DPYSL2: variants seen among roughly 807,000 people sequenced by gnomAD.
The protein encoded by DPYSL2 is dihydropyrimidinase-related protein 2.
Under a neutral mutation model 69.9 loss-of-function variants are expected in DPYSL2, and 13 were observed. The ratio of observed to expected loss-of-function variants is 0.19; its 90% confidence interval spans 0.12 to 0.30. The LOEUF (loss-of-function observed/expected upper bound fraction) is 0.30. Ranked by LOEUF, DPYSL2 falls within the 10% of genes least tolerant of loss-of-function variation. DPYSL2 has a pLI of 1.00. For missense variants in DPYSL2, 587 were observed against 918.9 expected (o/e 0.64, Z 4.67); for synonymous variants, 326 against 359.1 (o/e 0.91, Z 1.04).
At chr8:26,625,258 A>T (rs1802588389) in intron 4 of DPYSL2, among the ~76,000 whole-genome samples, 2 of 152,298 alleles carry the variant, frequency 1.3e-5, no homozygotes, top group Non-Finnish European at 2.9e-5. Flanking sequence ...CTTGGACTAG[A>T]TGTCCTCTAA....
rs1212866780 is a variant in DPYSL2, at chr8:26,585,844, G to C, written c.628+1861G>C. 2.6e-5 allele frequency among the ~76,000 whole-genome samples: 4 copies of C among 152,198 alleles called. No homozygotes were observed. Among genetic ancestry groups the C allele is most frequent in the African/African-American group, 9.7e-5 (4 of 41,440 alleles). On this transcript the variant is annotated intron_variant, in intron 3 of 13. Coordinates refer to ENST00000521913, the MANE Select transcript of DPYSL2 (RefSeq NM_001197293.3). The surrounding 1 kb of genome is among the most constrained non-coding windows in gnomAD (Gnocchi z 4.0). ...AATATTTCTCTGGCTGGGCACCATGGTTCATGCCTGTAATTCCAGCACTTT... is the reference window on the plus strand; with the variant it reads ...AATATTTCTCTGGCTGGGCACCATGCTTCATGCCTGTAATTCCAGCACTTT...
intron 1 of DPYSL2, among the ~76,000 whole-genome samples, chr8:26,551,063 T>TC (rs1221654317): frequency 2.0e-5 from 3 of 151,898 alleles, no homozygotes; most frequent in African/African-American, 4.8e-5. Context: ...CACACTAATC[T>TC]CCCCCAGATA....
At chr8:26,615,743 G>T (rs1802331594) in intron 3 of DPYSL2, among the ~76,000 whole-genome samples, 1 of 152,118 alleles carries the variant, frequency 6.6e-6, no homozygotes, top group South Asian at 2.1e-4. Flanking sequence ...AAAATGCTGG[G>T]ATGTATGTTA....
intron 1 of DPYSL2, among the ~76,000 whole-genome samples, chr8:26,519,646 A>G (rs1308023374): frequency 1.3e-5 from 2 of 152,128 alleles, no homozygotes; most frequent in Admixed American, 1.3e-4. Flanking sequence ...AGGTCTTGCT[A>G]TTTAGTAAGT....
chr8:26,531,249 C>G (rs1255673743), intron 1 of DPYSL2, among the ~76,000 whole-genome samples: 1 of 151,992 alleles, frequency 6.6e-6, no homozygotes, highest in Non-Finnish European at 1.5e-5. Context: ...ATTGAGGAGG[C>G]CCACAACGGA....
chr8:26,616,191 A>G (rs879501138), intron 3 of DPYSL2, among the ~76,000 whole-genome samples: 1 of 152,192 alleles, frequency 6.6e-6, no homozygotes, highest in African/African-American at 2.4e-5. Flanking sequence ...GGTCTTTCCA[A>G]TAGTGCCTCT....
In DPYSL2 at chr8:26,614,851, C is replaced by T. The variant is rs946668574; in HGVS notation, c.629-9292C>T. ...ACCCTTAGGCTAAGGACACGGTTTT[C>T]CTATCTGTTTATTGAATTGGGTCAC... On this transcript the variant is annotated intron_variant, in intron 3 of 13. Coordinates refer to ENST00000521913, the MANE Select transcript of DPYSL2 (RefSeq NM_001197293.3). This position sits in a 1 kb window ranked among gnomAD's most constrained non-coding sequence, Gnocchi z 4.9. 6.6e-6 allele frequency among the ~76,000 whole-genome samples: 1 copy of T among 152,194 alleles called. No homozygotes were observed. The highest frequency in any genetic ancestry group is 1.9e-4 in the East Asian group (1 of 5,200).
At position 26,634,794 on chromosome 8, in the gene DPYSL2, C is replaced by T. The variant is rs770739859; in HGVS notation, c.1020C>T (p.Ala340=). The change falls in exon 8 of 14, where the codon GCC becomes GCT. Residue 340 remains alanine, a synonymous_variant. Transcript: ENST00000521913. ...CTGTTTTGCAGGTCGAGGCCGAAGCCGTGAATCGTGCCATCACCATCGCCA... is the reference window on the plus strand; with the variant it reads ...CTGTTTTGCAGGTCGAGGCCGAAGCTGTGAATCGTGCCATCACCATCGCCA... ...LSRPEEVEAE[A]VNRAITIANQ... is the part of the protein sequence containing the mutation. The T allele has an allele frequency of 2.4e-5, 39 of 1,614,092 alleles. No individual in the cohort carries two copies. In the South Asian group the frequency reaches 3.5e-4, roughly 15 times the overall value.
chr8:26,539,526 G>T (rs1348369229), intron 1 of DPYSL2, among the ~76,000 whole-genome samples: 1 of 152,112 alleles, frequency 6.6e-6, no homozygotes, highest in Non-Finnish European at 1.5e-5. Context: ...TGTAATAAAG[G>T]CTCTAATTTG....
intron 1 of DPYSL2, among the ~76,000 whole-genome samples, chr8:26,519,716 CAA>C (rs1808354781): frequency 6.6e-6 from 1 of 151,974 alleles, no homozygotes; most frequent in African/African-American, 2.4e-5. Flanking sequence ...TTCCAATAGT[CAA>C]TTACGTGGCT....
At chr8:26,521,944 G>T (rs182348691) in intron 1 of DPYSL2, among the ~76,000 whole-genome samples, 2 of 152,194 alleles carry the variant, frequency 1.3e-5, no homozygotes, top group East Asian at 3.9e-4. Context: ...GGACATTTGG[G>T]TTGTTTCCAC....
chr8:26,603,870 C>A (rs1036220363), intron 3 of DPYSL2, among the ~76,000 whole-genome samples: 16 of 152,110 alleles, frequency 1.1e-4, no homozygotes, highest in South Asian at 6.2e-4. Flanking sequence ...TTCTGTTTAT[C>A]CATTCATCCA....
At chr8:26,554,710 C>CTT (rs1800917752) in intron 1 of DPYSL2, among the ~76,000 whole-genome samples, 1 of 151,890 alleles carries the variant, frequency 6.6e-6, no homozygotes, top group East Asian at 1.9e-4. Flanking sequence ...TAAATCATAC[C>CTT]AATTCTCTAT....
At chr8:26,559,625 T>C (rs1327955161) in intron 1 of DPYSL2, among the ~76,000 whole-genome samples, 1 of 152,206 alleles carries the variant, frequency 6.6e-6, no homozygotes, top group Non-Finnish European at 1.5e-5. Context: ...CTTAGTTCTT[T>C]AAGTAATTTG....
At chr8:26,604,583 T>G (rs1404612166) in intron 3 of DPYSL2, among the ~76,000 whole-genome samples, 1 of 152,032 alleles carries the variant, frequency 6.6e-6, no homozygotes, top group Admixed American at 6.5e-5. Context: ...GCTTTGAACA[T>G]ACCTTTGCTG....
rs1348977257 is a variant in DPYSL2 at position 26,514,957 on chromosome 8, G to A, written c.354+278G>A. On this transcript the variant is annotated intron_variant, in intron 1 of 13. Transcript: ENST00000521913. The surrounding 1 kb of genome is among the most constrained non-coding windows in gnomAD (Gnocchi z 8.4). ...GAATGGGCTGATCCCCTGCTGGGGC[G>A]GGCGGTGGTCGTCTGGGAGGGGGTT... Among the ~76,000 whole-genome samples the A allele has an allele frequency of 6.6e-6, 1 of 152,236 alleles. No individual in the cohort carries two copies. Among genetic ancestry groups the A allele is most frequent in the Admixed American group, 6.5e-5 (1 of 15,292 alleles).
chr8:26,647,583 C>T lies in DPYSL2; in HGVS notation c.1426-47C>T, dbSNP rs760593299. On this transcript the variant is annotated intron_variant, in intron 10 of 13. Coordinates refer to ENST00000521913, the MANE Select transcript of DPYSL2 (RefSeq NM_001197293.3). The surrounding 1 kb of genome is among the most constrained non-coding windows in gnomAD (Gnocchi z 5.1). The stretch of plus-strand genomic sequence containing the variant: ...GTTATTGAAAAGTAACTTTTTAACT[C>T]GTTTCTGCTGTGTGCCTCCTGTGCA... The T allele has an allele frequency of 2.5e-5, 38 of 1,542,444 alleles. No individual in the cohort carries two copies. The South Asian group carries it at 3.8e-4, about 16-fold the overall frequency.
At chr8:26,556,203 ATATATATAC>A (rs1262873322) in intron 1 of DPYSL2, among the ~76,000 whole-genome samples, 2,802 of 15,704 alleles carry the variant, frequency 0.18, 1,047 homozygotes, top group East Asian at 0.53. Flanking sequence ...TATATATACT[ATATATATAC>A]TATATATAGT....
At position 26,514,227 on chromosome 8, in the gene DPYSL2, C is replaced by T. The variant is rs1269628078; in HGVS notation, c.-99C>T. 4.5e-6 allele frequency: 5 copies of T among 1,103,810 alleles called. No homozygotes were observed. Among genetic ancestry groups the T allele is most frequent in the African/African-American group, 3.3e-5 (2 of 60,362 alleles). 68.4% of individuals were successfully genotyped at this position (1,103,810 alleles called of 1,614,324 possible). ...CTTGCGGTGGGCGGCGAACGGCAGC[C>T]GCGGCAGCAGCTAGGGGGCTTGTGC... On this transcript the variant is annotated 5_prime_UTR_variant, in exon 1 of 14. Coordinates refer to ENST00000521913, the MANE Select transcript of DPYSL2 (RefSeq NM_001197293.3). The surrounding 1 kb of genome is among the most constrained non-coding windows in gnomAD (Gnocchi z 8.4).
Sources: allele counts gnomAD v4.1 joint callset (sites outside exome capture counted in the v4.1 genomes callset), GRCh38; gene constraint gnomAD v4.1.1; non-coding constraint Gnocchi (gnomAD v3.1); transcripts MANE v1.5; gene names NCBI Gene and HGNC (gene_info 2026-07-23, HGNC 2026-07-21).